Variants in RGS3 observed in about 807,000 individuals in gnomAD.
The protein encoded by RGS3 is regulator of G protein signaling 3.
A neutral mutation model predicts 132.6 loss-of-function variants in RGS3; 80 were observed. That is an observed-to-expected ratio of 0.60 (90% CI 0.50 to 0.73). The LOEUF (loss-of-function observed/expected upper bound fraction) is 0.73, where lower values mean the gene tolerates loss of function less well. Ranked by LOEUF, RGS3 falls within the 30% of genes least tolerant of loss-of-function variation. RGS3 has a pLI of 0.00. For missense variants in RGS3, 1,382 were observed against 1,530.8 expected, an observed-to-expected ratio of 0.90 and a Z score of 1.62; for synonymous variants, 598 against 620.6, an observed-to-expected ratio of 0.96 and a Z score of 0.54.
chr9:113,567,091 A>G (rs2118857785), intron 19 of RGS3, among the ~76,000 whole-genome samples: 1 of 152,382 alleles, frequency 6.6e-6, no homozygotes, highest in Middle Eastern at 3.4e-3. Flanking sequence ...TCCTCGTGAG[A>G]AGTCTCCAGG....
chr9:113,569,153 A>C (rs578020978), intron 19 of RGS3, among the ~76,000 whole-genome samples: 7 of 152,146 alleles, frequency 4.6e-5, no homozygotes, highest in African/African-American at 1.4e-4. Flanking sequence ...CTCCCAACTT[A>C]GAAAGGGGGG....
exon 3 of RGS3, chr9:113,462,059 C>T: frequency 6.2e-7 from 1 of 1,614,120 alleles, no homozygotes. Context: ...TCTCTACATC[C>T]TGTGGCTTGA....
chr9:113,536,860 G>T, exon 19 of RGS3: 1 of 1,614,136 alleles, frequency 6.2e-7, no homozygotes, highest in South Asian at 1.1e-5. Flanking sequence ...GTGTGCTGGT[G>T]CCTGTCGGAG....
chr9:113,515,474 C>G (rs1831606115), intron 15 of RGS3, among the ~76,000 whole-genome samples: 1 of 151,646 alleles, frequency 6.6e-6, no homozygotes, highest in Non-Finnish European at 1.5e-5. Flanking sequence ...ACTAAAAATA[C>G]AAAAAAATTA....
exon 23 of RGS3, chr9:113,594,955 C>A: frequency 1.9e-6 from 3 of 1,614,128 alleles, no homozygotes; most frequent in Non-Finnish European, 2.5e-6. Flanking sequence ...GGGGCGAGTC[C>A]TTGGAGAAGC....
chr9:113,576,555 C>T (rs1834534955), intron 19 of RGS3, among the ~76,000 whole-genome samples: 1 of 152,180 alleles, frequency 6.6e-6, no homozygotes, highest in South Asian at 2.1e-4. Context: ...TGGTCTCGAT[C>T]TCCTGACCTT....
chr9:113,454,038 T>C (rs1163699973), intron 1 of RGS3, among the ~76,000 whole-genome samples: 2 of 152,064 alleles, frequency 1.3e-5, no homozygotes, highest in Non-Finnish European at 2.9e-5. Context: ...AGTCTCAGAC[T>C]CCTGGCCTCA....
chr9:113,519,067 G>A, intron 16 of RGS3, among the ~76,000 whole-genome samples: 1 of 152,114 alleles, frequency 6.6e-6, no homozygotes, highest in Middle Eastern at 3.2e-3. Flanking sequence ...CATTGTGTAT[G>A]CATTTTACAT....
chr9:113,580,859 G>T, intron 19 of RGS3: 1 of 985,740 alleles, frequency 1.0e-6, no homozygotes, highest in South Asian at 4.7e-5. Flanking sequence ...AGTCACCACT[G>T]GGACAGGCCT....
intron 20 of RGS3, among the ~76,000 whole-genome samples, chr9:113,587,500 A>G (rs1318965994): frequency 6.6e-6 from 1 of 152,118 alleles, no homozygotes; most frequent in Admixed American, 6.5e-5. Context: ...GTTTTCTCTT[A>G]TTAATGGAAC....
chr9:113,554,561 C>A (rs888290392), intron 19 of RGS3, among the ~76,000 whole-genome samples: 8 of 152,208 alleles, frequency 5.3e-5, no homozygotes, highest in Non-Finnish European at 1.2e-4. Context: ...CTCACCTCAG[C>A]CTCCCAAAGT....
At chr9:113,454,113 G>A (rs147525872) in intron 1 of RGS3, among the ~76,000 whole-genome samples, 167 of 151,934 alleles carry the variant, frequency 1.1e-3, no homozygotes, top group South Asian at 2.1e-3. Flanking sequence ...CATACCTGGC[G>A]TACTTAACAT....
At chr9:113,501,352 C>G (rs925646206) in intron 10 of RGS3, 3 of 1,254,724 alleles carry the variant, frequency 2.4e-6, no homozygotes, top group Non-Finnish European at 3.2e-6. Flanking sequence ...ATAAAACTCT[C>G]CCTCTTCCTT....
At chr9:113,473,226 A>G (rs1488124033) in intron 3 of RGS3, among the ~76,000 whole-genome samples, 1 of 152,200 alleles carries the variant, frequency 6.6e-6, no homozygotes, top group East Asian at 1.9e-4. Context: ...GGGAGGAACT[A>G]GGCTTCACCT....
rs1412598105 is a variant in RGS3, at chr9:113,485,626, C to T, written c.622C>T (p.Pro208Ser). 3.1e-6 allele frequency: 5 copies of T among 1,595,320 alleles called. 1 individual carries two copies. Among genetic ancestry groups the T allele is most frequent in the Admixed American group, 3.5e-5 (2 of 56,832 alleles). ...CCGATGGTCTGATTGATTTCGCAGTCCTGTCCAAGAGGAGGATGATCAGAA... is the reference window on the plus strand; with the variant it reads ...CCGATGGTCTGATTGATTTCGCAGTTCTGTCCAAGAGGAGGATGATCAGAA... Residue 208 changes from proline to serine, a missense_variant and splice_region_variant, in exon 7 of 25, where the codon CCT becomes TCT. Physicochemically the swap from Pro to Ser is moderately conservative, Grantham distance 74. Transcript: ENST00000350696.
In RGS3 at chr9:113,508,635, G is replaced by T. The variant is rs1831257890; in HGVS notation, c.1477+55G>T. ...TAGCTCAGAGAGGCAGCAGGGGTCA[G>T]CTGAGGCCTGGCCCAGCCTCCGCCC... On this transcript the variant is annotated intron_variant, in intron 14 of 24. Transcript: ENST00000350696. 4.0e-5 allele frequency: 64 copies of T among 1,588,488 alleles called. 2 individuals carry two copies. The South Asian group carries it at 6.8e-4, about 17-fold the overall frequency.
chr9:113,527,730 C>T (rs891550842), intron 17 of RGS3, among the ~76,000 whole-genome samples: 4 of 152,220 alleles, frequency 2.6e-5, no homozygotes, highest in Admixed American at 6.5e-5. Flanking sequence ...CCAGGGCCCT[C>T]ATTCACTGCT....
Position 113,591,415 on chromosome 9 carries a change from C to T in RGS3, c.3080+18C>T, listed in dbSNP as rs1287901181. ...AAAAACCTGTACGTTGGGAAGATCC[C>T]TGGCTTCTGCGCTCCTCTTCCTCCC... On this transcript the variant is annotated intron_variant, in intron 21 of 24. Coordinates refer to ENST00000350696, the Ensembl canonical transcript of RGS3. This position sits in a 1 kb window ranked among gnomAD's most constrained non-coding sequence, Gnocchi z 4.4. The T allele has an allele frequency of 6.2e-7, 1 of 1,609,314 alleles. No homozygotes were observed. The highest frequency in any genetic ancestry group is 8.5e-7 in the Non-Finnish European group (1 of 1,176,170).
At chr9:113,554,223 T>C (rs1833476548) in intron 19 of RGS3, among the ~76,000 whole-genome samples, 1 of 152,260 alleles carries the variant, frequency 6.6e-6, no homozygotes, top group Non-Finnish European at 1.5e-5. Flanking sequence ...ATGTTATTGC[T>C]TTTAATTCTT....
Sources: gnomAD v4.1 joint callset for allele counts (sites outside exome capture counted in the v4.1 genomes callset) on GRCh38, gnomAD v4.1.1 for gene constraint, Gnocchi (gnomAD v3.1) non-coding constraint, MANE v1.5 for transcripts, NCBI Gene and HGNC (gene_info 2026-07-23, HGNC 2026-07-21) for gene names.